ERBB4: variants seen among roughly 807,000 people sequenced by gnomAD.
ERBB4 encodes erb-b2 receptor tyrosine kinase 4.
ERBB4 carries 42 observed loss-of-function variants against 158.0 expected under a neutral mutation model. That is an observed-to-expected ratio of 0.27 (90% CI 0.21 to 0.34). The LOEUF is 0.34. Ranked by LOEUF, ERBB4 falls within the 10% of genes least tolerant of loss-of-function variation. The pLI is 1.00. For synonymous variants in ERBB4, 583 were observed against 558.7 expected (o/e 1.04, Z -0.61); for missense variants, 1,333 against 1,624.1 (o/e 0.82, Z 3.08).
intron 4 of ERBB4, among the ~76,000 whole-genome samples, chr2:211,766,317 C>T (rs2075548936): frequency 6.6e-6 from 1 of 152,188 alleles, no homozygotes. Context: ...TCTTTCTCAG[C>T]TCCCTGTAGA....
At chr2:211,926,113 C>T (rs147053531) in intron 3 of ERBB4, among the ~76,000 whole-genome samples, 2 of 152,282 alleles carry the variant, frequency 1.3e-5, no homozygotes, top group African/African-American at 4.8e-5. Flanking sequence ...CTCGGAGCCA[C>T]GTTAAGCGCC....
intron 1 of ERBB4, among the ~76,000 whole-genome samples, chr2:212,456,646 C>T (rs1391808865): frequency 2.0e-5 from 3 of 151,312 alleles, no homozygotes; most frequent in Non-Finnish European, 3.0e-5. Flanking sequence ...AAATGTAGAA[C>T]TAACTCATGA....
intron 1 of ERBB4, among the ~76,000 whole-genome samples, chr2:212,452,542 T>C (rs552607955): frequency 1.3e-5 from 2 of 152,280 alleles, no homozygotes; most frequent in East Asian, 3.9e-4. Context: ...ATGCGTGGGA[T>C]GACATGAGTA....
At chr2:211,848,371 T>C (rs943845837) in intron 3 of ERBB4, among the ~76,000 whole-genome samples, 1 of 152,070 alleles carries the variant, frequency 6.6e-6, no homozygotes, top group African/African-American at 2.4e-5. Flanking sequence ...AAGACTTCTT[T>C]ATATGGAAAT....
intron 1 of ERBB4, among the ~76,000 whole-genome samples, chr2:212,454,925 C>G (rs1469300789): frequency 1.3e-5 from 2 of 151,966 alleles, no homozygotes; most frequent in Admixed American, 6.6e-5. Flanking sequence ...TGACCGCCAC[C>G]TCACTTCATT....
At chr2:212,057,990 G>A (rs896925412) in intron 2 of ERBB4, among the ~76,000 whole-genome samples, 8 of 151,488 alleles carry the variant, frequency 5.3e-5, no homozygotes, top group African/African-American at 1.9e-4. Context: ...ATGAATCCAG[G>A]AGCTGGTTGT....
At chr2:212,383,421 A>G (rs1476768032) in intron 1 of ERBB4, among the ~76,000 whole-genome samples, 1 of 151,632 alleles carries the variant, frequency 6.6e-6, no homozygotes, top group Non-Finnish European at 1.5e-5. Flanking sequence ...AAAGAAGGAA[A>G]GAAACAAGAG....
At position 212,010,820 on chromosome 2, in the gene ERBB4, G is replaced by T. The variant is rs1055141848; in HGVS notation, c.235-63204C>A. On this transcript the variant is annotated intron_variant, in intron 2 of 27. Coordinates refer to ENST00000342788, the MANE Select transcript of ERBB4 (RefSeq NM_005235.3). Reference sequence around the variant, plus strand: ...TAAGACAGACACTCCCAGAGGGGCCGTTTATAGACCTCTCCCCAGGAATGC... The same window carrying T: ...TAAGACAGACACTCCCAGAGGGGCCTTTTATAGACCTCTCCCCAGGAATGC... Among the ~76,000 whole-genome samples the T allele has an allele frequency of 2.0e-5, 3 of 152,094 alleles. No individual in the cohort carries two copies. In the South Asian group the frequency reaches 6.2e-4, roughly 32 times the overall value.
chr2:211,428,256 T>C (rs2063675338), intron 22 of ERBB4, 152 bp downstream of exon 22: 3 of 410,416 alleles, frequency 7.3e-6, no homozygotes, highest in Non-Finnish European at 1.3e-5. Flanking sequence ...TTTTTTTCAT[T>C]GAGAAAGCAA....
chr2:212,375,898 T>C (rs966671961), intron 1 of ERBB4, among the ~76,000 whole-genome samples: 9 of 152,096 alleles, frequency 5.9e-5, no homozygotes, highest in African/African-American at 1.2e-4. Flanking sequence ...GTTTGCACAA[T>C]GTCCCAAGGA....
intron 1 of ERBB4, among the ~76,000 whole-genome samples, chr2:212,413,333 C>T (rs961038007): frequency 1.3e-5 from 2 of 151,320 alleles, no homozygotes; most frequent in African/African-American, 4.9e-5. Flanking sequence ...AGTCCTTGTA[C>T]TTCTACTCTC....
intron 1 of ERBB4, among the ~76,000 whole-genome samples, chr2:212,480,588 G>A (rs955122055): frequency 7.2e-5 from 11 of 152,186 alleles, no homozygotes; most frequent in African/African-American, 2.7e-4. Context: ...CATGCAGCAT[G>A]TAAGTATCAT....
At chr2:211,950,684 T>A (rs72933793) in intron 2 of ERBB4, among the ~76,000 whole-genome samples, 6,983 of 152,182 alleles carry the variant, frequency 0.046, 266 homozygotes, top group African/African-American at 0.1. Flanking sequence ...ATTACTCATA[T>A]CTGGCATCAA....
intron 3 of ERBB4, among the ~76,000 whole-genome samples, chr2:211,857,641 T>C (rs1301044934): frequency 6.6e-6 from 1 of 152,212 alleles, no homozygotes; most frequent in Non-Finnish European, 1.5e-5. Flanking sequence ...CTCAGCATAT[T>C]CTGGGAAATG....
chr2:212,230,783 A>G (rs1574481306), intron 1 of ERBB4, among the ~76,000 whole-genome samples: 1 of 152,310 alleles, frequency 6.6e-6, no homozygotes, highest in East Asian at 1.9e-4. Context: ...CAGGAGTTAT[A>G]ATACAAAAGT....
chr2:211,841,201 A>G (rs1210158583), intron 3 of ERBB4, among the ~76,000 whole-genome samples: 1 of 152,110 alleles, frequency 6.6e-6, no homozygotes, highest in Non-Finnish European at 1.5e-5. Flanking sequence ...AGTTGCCACT[A>G]TAGTTAGATA....
At chr2:211,619,529 T>C (rs1222706110) in intron 18 of ERBB4, among the ~76,000 whole-genome samples, 3 of 152,098 alleles carry the variant, frequency 2.0e-5, no homozygotes, top group Non-Finnish European at 4.4e-5. Context: ...ATTCTACTTG[T>C]GTGCATGAAA....
chr2:211,539,883 T>C (rs2125680535), intron 20 of ERBB4, among the ~76,000 whole-genome samples: 1 of 152,180 alleles, frequency 6.6e-6, no homozygotes, highest in African/African-American at 2.4e-5. Context: ...TTTCCATTGC[T>C]CGTTGCACTT....
At chr2:211,460,851 G>A (rs1302745261) in intron 20 of ERBB4, among the ~76,000 whole-genome samples, 2 of 152,056 alleles carry the variant, frequency 1.3e-5, no homozygotes, top group Non-Finnish European at 2.9e-5. Context: ...TGAACTTGGA[G>A]AAGGTAAAAC....
Sources: allele counts gnomAD v4.1 joint callset (sites outside exome capture counted in the v4.1 genomes callset), GRCh38; gene constraint gnomAD v4.1.1; transcripts MANE v1.5; gene names NCBI Gene and HGNC (gene_info 2026-07-23, HGNC 2026-07-21).